IL23R: variants seen among roughly 807,000 people sequenced by gnomAD.
IL23R encodes interleukin-23 receptor.
In IL23R, 34 loss-of-function variants were observed where a neutral mutation model predicts 56.9. The ratio of observed to expected loss-of-function variants is 0.60; its 90% CI spans 0.45 to 0.80. IL23R has a LOEUF of 0.80. Among genes scored for constraint, IL23R ranks in the 30% least tolerant of loss-of-function variants. IL23R has a pLI of 0.00. For missense variants in IL23R, 635 were observed against 730.0 expected, an observed-to-expected ratio of 0.87 and a Z score of 1.50; for synonymous variants, 230 against 249.2, an observed-to-expected ratio of 0.92 and a Z score of 0.73.
In IL23R at chr1:67,205,192, G is replaced by T. The variant is rs1033047739; in HGVS notation, c.653-1718G>T. Among the ~76,000 whole-genome samples, 19 of 152,206 alleles carry T rather than the reference G, an allele frequency of 1.2e-4. 1 individual carries two copies. The highest frequency in any genetic ancestry group is 2.9e-5 in the Non-Finnish European group (2 of 68,044). ...ACTTGTTAACTAAATTAAAGCTACT[G>T]CTACTTCTACGCCAGGTGTAGCCCC... On this transcript the variant is annotated intron_variant, in intron 5 of 10. Coordinates refer to ENST00000347310, the MANE Select transcript of IL23R (RefSeq NM_144701.3).
At chr1:67,197,003 G>A (rs757475240) in intron 4 of IL23R, among the ~76,000 whole-genome samples, 7 of 152,236 alleles carry the variant, frequency 4.6e-5, no homozygotes, top group Non-Finnish European at 8.8e-5. Context: ...GCACAGGTAT[G>A]CGTGAGACAC....
Position 67,251,273 on chromosome 1 carries a change from A to C in IL23R, c.1149-4564A>C, listed in dbSNP as rs372625268. ...CGAGACCATCCTGGCTAACACGGTG[A>C]AACCCCGTCTCTACTAAAAATACAA... is the stretch of plus-strand genomic sequence containing the variant. On this transcript the variant is annotated intron_variant, in intron 9 of 10. Coordinates refer to ENST00000347310, the MANE Select transcript of IL23R (RefSeq NM_144701.3). Among the ~76,000 whole-genome samples the C allele has an allele frequency of 3.3e-5, 5 of 152,232 alleles. No individual in the cohort carries two copies. In the East Asian group the frequency reaches 9.7e-4, roughly 29 times the overall value.
intron 4 of IL23R, among the ~76,000 whole-genome samples, chr1:67,196,664 T>C (rs914829249): frequency 6.6e-6 from 1 of 152,174 alleles, no homozygotes; most frequent in South Asian, 2.1e-4. Context: ...GTAATGCAAT[T>C]AACTTAGGAG....
At chr1:67,156,925 G>T (rs1335303343) in intron 1 of IL23R, among the ~76,000 whole-genome samples, 1 of 152,090 alleles carries the variant, frequency 6.6e-6, no homozygotes, top group Non-Finnish European at 1.5e-5. Context: ...TGAAACCCAG[G>T]GCCCTGATAG....
chr1:67,194,111 C>T lies in IL23R; in HGVS notation c.492-6626C>T, dbSNP rs1647942493. Among the ~76,000 whole-genome samples the T allele has an allele frequency of 2.6e-5, 4 of 152,250 alleles. No individual in the cohort carries two copies. The South Asian group carries it at 6.2e-4, about 24-fold the overall frequency. On this transcript the variant is annotated intron_variant, in intron 4 of 10. Coordinates refer to ENST00000347310, the MANE Select transcript of IL23R (RefSeq NM_144701.3). Reference sequence around the variant, plus strand: ...GAAGAGATGCATGGGGCAAAGCATGCGGGAACACCACCCTGCAGGCATCCT... The same window carrying T: ...GAAGAGATGCATGGGGCAAAGCATGTGGGAACACCACCCTGCAGGCATCCT...
chr1:67,189,617 G>T (rs2102599885), intron 4 of IL23R, among the ~76,000 whole-genome samples: 2 of 152,218 alleles, frequency 1.3e-5, no homozygotes, highest in Middle Eastern at 6.8e-3. Context: ...TTTATCTAAT[G>T]ATTAGTTACA....
downstream of IL23R, among the ~76,000 whole-genome samples, chr1:67,262,477 T>G (rs1653226378): frequency 6.6e-6 from 1 of 152,198 alleles, no homozygotes; most frequent in Admixed American, 6.5e-5. Context: ...GAAGTGATAC[T>G]GATGTTCATC....
intron 9 of IL23R, among the ~76,000 whole-genome samples, chr1:67,252,039 T>C (rs1234011589): frequency 6.6e-6 from 1 of 152,066 alleles, no homozygotes; most frequent in East Asian, 1.9e-4. Flanking sequence ...TGCACTTCAG[T>C]GTGTTGTTGT....
chr1:67,181,099 T>C (rs566170389), intron 3 of IL23R, among the ~76,000 whole-genome samples: 21 of 152,312 alleles, frequency 1.4e-4, no homozygotes, highest in African/African-American at 4.6e-4. Context: ...TCATGTGTCT[T>C]GGAGTTGGTC....
intron 4 of IL23R, among the ~76,000 whole-genome samples, chr1:67,192,220 G>A (rs1647806350): frequency 6.6e-6 from 1 of 152,164 alleles, no homozygotes; most frequent in Non-Finnish European, 1.5e-5. Context: ...TGGGTAAGCG[G>A]TCTTCCAAAA....
chr1:67,179,900 T>C (rs556285349), intron 3 of IL23R, among the ~76,000 whole-genome samples: 42 of 152,314 alleles, frequency 2.8e-4, no homozygotes, highest in African/African-American at 9.9e-4. Flanking sequence ...CAGGAGCAGG[T>C]TGTTCAGTTT....
intron 9 of IL23R, among the ~76,000 whole-genome samples, chr1:67,249,772 C>T: frequency 6.6e-6 from 1 of 151,950 alleles, no homozygotes; most frequent in East Asian, 1.9e-4. Context: ...TTTGGGAAGC[C>T]TATAAAATAT....
At chr1:67,247,400 G>A (rs1652302907) in intron 9 of IL23R, among the ~76,000 whole-genome samples, 1 of 151,948 alleles carries the variant, frequency 6.6e-6, no homozygotes, top group South Asian at 2.1e-4. Context: ...TGCCTCCCAG[G>A]TGCAAGGGAT....
At position 67,170,779 on chromosome 1, in the gene IL23R, G is replaced by T. The variant is rs191797844; in HGVS notation, c.367+1141G>T. The stretch of plus-strand genomic sequence containing the variant: ...CTTCTTCACCTTTACAACTTAGCTG[G>T]GGGGCAGACCCATATCACCACTACC... On this transcript the variant is annotated intron_variant, in intron 3 of 10. Coordinates refer to ENST00000347310, the MANE Select transcript of IL23R (RefSeq NM_144701.3). Among the ~76,000 whole-genome samples, 3 of 152,210 alleles carry T rather than the reference G, an allele frequency of 2.0e-5. No homozygotes were observed. The East Asian group carries it at 5.8e-4, about 29-fold the overall frequency.
At chr1:67,158,621 C>T (rs12043240) in intron 1 of IL23R, among the ~76,000 whole-genome samples, 52,424 of 151,868 alleles carry the variant, frequency 0.35, 9,234 homozygotes, top group Admixed American at 0.47. Flanking sequence ...TGCTGGTGGG[C>T]GTGTCTTATG....
intron 3 of IL23R, among the ~76,000 whole-genome samples, chr1:67,175,148 G>A (rs913055849): frequency 2.6e-5 from 4 of 152,006 alleles, no homozygotes; most frequent in African/African-American, 9.7e-5. Context: ...AGGGGCTGGA[G>A]GGGATGTCAG....
At chr1:67,235,040 C>G (rs1237296369) in intron 7 of IL23R, among the ~76,000 whole-genome samples, 1 of 152,092 alleles carries the variant, frequency 6.6e-6, no homozygotes, top group African/African-American at 2.4e-5. Context: ...GATTCAGACT[C>G]CTGCCTGAGC....
intron 3 of IL23R, among the ~76,000 whole-genome samples, chr1:67,181,272 A>G (rs937582460): frequency 2.6e-5 from 4 of 152,178 alleles, no homozygotes; most frequent in Non-Finnish European, 5.9e-5. Context: ...AGGTACACCA[A>G]TCAGACATAG....
intron 1 of IL23R, among the ~76,000 whole-genome samples, chr1:67,139,863 T>G (rs1646619506): frequency 6.6e-6 from 1 of 152,168 alleles, no homozygotes; most frequent in South Asian, 2.1e-4. Flanking sequence ...TAAAAGGTTC[T>G]TGGGTCATAA....
Sources: gnomAD v4.1 joint callset for allele counts (sites outside exome capture counted in the v4.1 genomes callset) on GRCh38, gnomAD v4.1.1 for gene constraint, MANE v1.5 for transcripts, NCBI Gene and HGNC (gene_info 2026-07-23, HGNC 2026-07-21) for gene names.